Variants in MMP27 observed in about 807,000 individuals in gnomAD.
MMP27 encodes matrix metallopeptidase 27.
In MMP27, 51 loss-of-function variants were observed where a neutral mutation model predicts 48.1. That is an observed-to-expected ratio of 1.06 (90% confidence interval 0.85 to 1.34). The LOEUF (loss-of-function observed/expected upper bound fraction) is 1.34, where lower values mean the gene tolerates loss of function less well. MMP27 is among the 40% of genes most tolerant of loss of function. The pLI is 0.00. For synonymous variants in MMP27, 229 were observed against 208.9 expected (o/e 1.10, Z -0.83); for missense variants, 698 against 619.3 (o/e 1.13, Z -1.35).
intron 7 of MMP27, 28 bp downstream of exon 7, chr11:102,694,939 G>A: frequency 6.2e-7 from 1 of 1,612,418 alleles, no homozygotes; most frequent in South Asian, 1.1e-5. Flanking sequence ...GCCAGAGGGA[G>A]AAGAGGAATC....
chr11:102,704,424 T>C (rs1047387946), intron 2 of MMP27, 113 bp downstream of exon 2: 7 of 804,378 alleles, frequency 8.7e-6, no homozygotes, highest in Middle Eastern at 2.5e-4. Flanking sequence ...GAGCCTAAGA[T>C]GTGCTGTGCA....
chr11:102,699,868 A>C (rs1292842849), intron 4 of MMP27, among the ~76,000 whole-genome samples: 2 of 152,210 alleles, frequency 1.3e-5, no homozygotes, highest in African/African-American at 2.4e-5. Context: ...GGATTGAGCT[A>C]TTCTGTTCAG....
In MMP27 at chr11:102,702,764, T is replaced by C. The variant is rs776480618; in HGVS notation, c.608A>G (p.Lys203Arg). Reference sequence around the variant, plus strand: ...AAAATTAGACTCACCTGCTCCATCCTTGGTCCAGTTTTCATCCTCATCAAA... The same window carrying C: ...AAAATTAGACTCACCTGCTCCATCCCTGGTCCAGTTTTCATCCTCATCAAA... ...THFDEDENWT[K>R]DGAGFNLFLV... The change falls in exon 4 of 10, where the codon AAG becomes AGG. Residue 203 changes from lysine to arginine, a missense_variant. Physicochemically the swap from Lys to Arg is conservative, Grantham distance 26. Transcript: ENST00000260229. The C allele has an allele frequency of 1.2e-6, 2 of 1,609,490 alleles. No individual in the cohort carries two copies. The highest frequency in any genetic ancestry group is 1.7e-6 in the Non-Finnish European group (2 of 1,179,010).
At chr11:102,705,225 G>A (rs928222534) in intron 1 of MMP27, among the ~76,000 whole-genome samples, 5 of 152,190 alleles carry the variant, frequency 3.3e-5, no homozygotes, top group Admixed American at 2.0e-4. Flanking sequence ...CTGATTTTTA[G>A]AGGGAATCTG....
At chr11:102,699,625 A>C (rs900541122) in intron 4 of MMP27, among the ~76,000 whole-genome samples, 1 of 152,192 alleles carries the variant, frequency 6.6e-6, no homozygotes, top group African/African-American at 2.4e-5. Context: ...GAATTATGTC[A>C]TGGTCTTTGA....
chr11:102,705,465 G>T (rs2134280096), intron 1 of MMP27, 148 bp downstream of exon 1: 1 of 541,124 alleles, frequency 1.8e-6, no homozygotes, highest in Non-Finnish European at 3.2e-6. Flanking sequence ...TCCTGATATC[G>T]TCAGAGATAG....
At position 102,696,486 on chromosome 11, in the gene MMP27, G is replaced by C; in HGVS notation, c.787C>G (p.Leu263Val). 1.2e-6 allele frequency: 2 copies of C among 1,612,918 alleles called. No homozygotes were observed. The highest frequency in any genetic ancestry group is 2.2e-5 in the South Asian group (2 of 90,856). The part of the protein sequence containing the change: ...INGIQSIYGG[L>V]PKEPAKPKEP... ...TTTGGCTTAGCAGGTTCCTTAGGCA[G>C]ACCTCCTTTGATGAGAAAAAAAATA... The change falls in exon 6 of 10, where the codon CTG (leucine) becomes GTG (valine). Residue 263 changes from leucine to valine, a missense_variant. Transcript: ENST00000260229.
At chr11:102,701,110 T>G (rs1471021864) in intron 4 of MMP27, among the ~76,000 whole-genome samples, 1 of 152,198 alleles carries the variant, frequency 6.6e-6, no homozygotes, top group Non-Finnish European at 1.5e-5. Flanking sequence ...GTCAGTGAAC[T>G]AAGAGTTATA....
intron 4 of MMP27, among the ~76,000 whole-genome samples, chr11:102,702,330 T>C (rs1860954558): frequency 6.6e-6 from 1 of 152,224 alleles, no homozygotes. Flanking sequence ...GAGTCTTCTT[T>C]CAATCCTCAA....
chr11:102,693,972 A>G lies in MMP27; in HGVS notation c.1127T>C (p.Ile376Thr). Residue 376 changes from isoleucine to threonine, a missense_variant, in exon 8 of 10, where the codon ATA becomes ACA. Physicochemically the swap from Ile to Thr is moderately conservative, Grantham distance 89. Transcript: ENST00000260229. ...TLGFPGRVKK[I>T]DAAVCDKTTR... is the part of the protein sequence containing the mutation. ...GGTCTTATCACAGACGGCTGCATCT[A>G]TTTTCTTCACACGTCCTGGAAAACC... The G allele has an allele frequency of 4.3e-6, 7 of 1,612,010 alleles. No homozygotes were observed. The highest frequency in any genetic ancestry group is 5.9e-6 in the Non-Finnish European group (7 of 1,179,010).
In MMP27 at chr11:102,691,550, A is replaced by G; in HGVS notation, c.*216T>C. 2.2e-6 allele frequency: 1 copy of G among 445,184 alleles called. No individual in the cohort carries two copies. Among genetic ancestry groups the G allele is most frequent in the Non-Finnish European group, 4.0e-6 (1 of 250,608 alleles). 27.6% of individuals were successfully genotyped at this position (445,184 alleles called of 1,614,324 possible). A position where few individuals can be genotyped will look rare whatever the true frequency, so the allele number is the denominator to read the frequency against. On this transcript the variant is annotated 3_prime_UTR_variant, in exon 10 of 10. Coordinates refer to ENST00000260229, the MANE Select transcript of MMP27 (RefSeq NM_022122.3). ...TCAGTTATAAGACATGTCTTCTCCAAGTCCACAAAGCATGAAATAGGCTTA... is the reference window on the plus strand; with the variant it reads ...TCAGTTATAAGACATGTCTTCTCCAGGTCCACAAAGCATGAAATAGGCTTA...
In MMP27 at chr11:102,693,003, G is replaced by T. The variant is rs375445638; in HGVS notation, c.1232C>A (p.Pro411Gln). ...AGGAAAGTGTTTTACCACTCTCTGC[G>T]GGAACCCTTTGTCCATGGTTTGGGT... ...EMTQTMDKGF[P>Q]QRVVKHFPGI... is the part of the protein sequence containing the mutation. Residue 411 changes from proline to glutamine, a missense_variant, in exon 9 of 10, where the codon CCG becomes CAG. Transcript: ENST00000260229. 1.2e-6 allele frequency: 2 copies of T among 1,613,718 alleles called. No homozygotes were observed. The highest frequency in any genetic ancestry group is 1.7e-6 in the Non-Finnish European group (2 of 1,179,800).
At chr11:102,697,621 C>T (rs1008557739) in intron 4 of MMP27, among the ~76,000 whole-genome samples, 1 of 152,020 alleles carries the variant, frequency 6.6e-6, no homozygotes, top group African/African-American at 2.4e-5. Flanking sequence ...CCTCCCTCAG[C>T]CTCCTGTGCA....
chr11:102,696,460 C>G lies in MMP27; in HGVS notation c.813G>C (p.Lys271Asn). 6.2e-7 allele frequency: 1 copy of G among 1,613,710 alleles called. No individual in the cohort carries two copies. The highest frequency in any genetic ancestry group is 8.5e-7 in the Non-Finnish European group (1 of 1,179,824). ...CACAGGCATGGGGTATAGTGGGTTC[C>G]TTTGGCTTAGCAGGTTCCTTAGGCA... Reference protein sequence around the residue: ...GGLPKEPAKPKEPTIPHACDP... With the variant: ...GGLPKEPAKPNEPTIPHACDP... Residue 271 changes from lysine (K) to asparagine (N), a missense_variant, in exon 6 of 10, where the codon AAG (lysine) becomes AAC (asparagine). Transcript: ENST00000260229.
At chr11:102,696,873 A>G in intron 4 of MMP27, 38 bp from the exon 5 acceptor site, 1 of 1,583,266 alleles carries the variant, frequency 6.3e-7, no homozygotes, top group East Asian at 2.2e-5. Context: ...ACATGACTTA[A>G]TCAAAAAGAG....
chr11:102,699,084 C>T (rs1016537394), intron 4 of MMP27, among the ~76,000 whole-genome samples: 1 of 152,166 alleles, frequency 6.6e-6, no homozygotes, highest in Non-Finnish European at 1.5e-5. Flanking sequence ...GACCATAGTG[C>T]CCTTTCCAGA....
In MMP27 at chr11:102,691,866, T is replaced by C. The variant is rs753375888; in HGVS notation, c.1442A>G (p.Lys481Arg). The C allele has an allele frequency of 4.3e-6, 7 of 1,613,616 alleles. No homozygotes were observed. In the South Asian group the frequency reaches 7.7e-5, roughly 18 times the overall value. Reference protein sequence around the residue: ...SSFGFDINKEKAHSGGIKILY... With the variant: ...SSFGFDINKERAHSGGIKILY... The stretch of plus-strand genomic sequence containing the variant: ...TATCTTTATGCCTCCTGAATGTGCT[T>C]TTTCCTTGTTGATATCAAAACCAAA... The change falls in exon 10 of 10, where the codon AAA becomes AGA. Residue 481 changes from lysine (K) to arginine (R), a missense_variant. Transcript: ENST00000260229.
chr11:102,696,450 T>C lies in MMP27; in HGVS notation c.823A>G (p.Ile275Val). Residue 275 changes from isoleucine (I) to valine (V), a missense_variant, in exon 6 of 10, where the codon ATA becomes GTA. Ile to Val is a conservative substitution (Grantham distance 29). Coordinates refer to ENST00000260229, the MANE Select transcript of MMP27 (RefSeq NM_022122.3). ...AAGTCAGGGTCACAGGCATGGGGTA[T>C]AGTGGGTTCCTTTGGCTTAGCAGGT... Reference protein sequence around the residue: ...KEPAKPKEPTIPHACDPDLTF... With the variant: ...KEPAKPKEPTVPHACDPDLTF... 6.2e-7 allele frequency: 1 copy of C among 1,613,790 alleles called. No homozygotes were observed.
rs143954460 is a variant in MMP27 at position 102,693,010 on chromosome 11, C to T, written c.1225G>A (p.Gly409Arg). The change falls in exon 9 of 10, where the codon GGG becomes AGG. Residue 409 changes from glycine (G) to arginine (R), a missense_variant. Transcript: ENST00000260229. ...TGTTTTACCACTCTCTGCGGGAACC[C>T]TTTGTCCATGGTTTGGGTCATTTCA... Reference protein sequence around the residue: ...FDEMTQTMDKGFPQRVVKHFP... With the variant: ...FDEMTQTMDKRFPQRVVKHFP... 7 of 1,613,694 alleles carry T rather than the reference C, an allele frequency of 4.3e-6. No individual in the cohort carries two copies. In the African/African-American group the frequency reaches 6.7e-5, roughly 15 times the overall value.
Sources: gnomAD v4.1 joint callset for allele counts (sites outside exome capture counted in the v4.1 genomes callset) on GRCh38, gnomAD v4.1.1 for gene constraint, MANE v1.5 for transcripts, NCBI Gene and HGNC (gene_info 2026-07-23, HGNC 2026-07-21) for gene names.